Variants in SCN8A observed in about 807,000 individuals in gnomAD.
SCN8A encodes sodium voltage-gated channel alpha subunit 8.
A neutral mutation model predicts 184.1 loss-of-function variants in SCN8A; 30 were observed. The observed-to-expected ratio is 0.16, with a 90% CI of 0.12 to 0.22. The LOEUF (loss-of-function observed/expected upper bound fraction) is 0.22. SCN8A is among the 10% of genes least tolerant of loss of function. The pLI is 1.00. For missense variants in SCN8A, 1,057 were observed against 2,498.9 expected, an observed-to-expected ratio of 0.42 and a Z score of 12.30; for synonymous variants, 852 against 907.0, an observed-to-expected ratio of 0.94 and a Z score of 1.09.
intron 2 of SCN8A, among the ~76,000 whole-genome samples, chr12:51,665,167 G>A (rs181060549): frequency 4.6e-5 from 7 of 152,274 alleles, no homozygotes; most frequent in Admixed American, 1.3e-4. Context: ...CTTTTTCCCT[G>A]GTTCCTGCTC....
intron 14 of SCN8A, among the ~76,000 whole-genome samples, chr12:51,754,379 T>C (rs927329211): frequency 2.0e-5 from 3 of 151,676 alleles, no homozygotes; most frequent in Non-Finnish European, 2.9e-5. Flanking sequence ...CACCCCCAAA[T>C]GCTTATAGTG....
chr12:51,771,718 C>T (rs1376790040), intron 19 of SCN8A, among the ~76,000 whole-genome samples: 2 of 152,204 alleles, frequency 1.3e-5, no homozygotes, highest in African/African-American at 2.4e-5. Flanking sequence ...CAGACCACCC[C>T]GCCTGCCCCT....
intron 14 of SCN8A, among the ~76,000 whole-genome samples, chr12:51,758,284 C>T (rs1942707888): frequency 6.6e-6 from 1 of 152,160 alleles, no homozygotes; most frequent in African/African-American, 2.4e-5. Context: ...TAGCAACACC[C>T]TATCTGTAAA....
chr12:51,673,590 G>T (rs1039451704), intron 2 of SCN8A, among the ~76,000 whole-genome samples: 2 of 152,186 alleles, frequency 1.3e-5, no homozygotes, highest in East Asian at 3.8e-4. Context: ...TATAGTTAAA[G>T]GTTAGGTGAT....
intron 1 of SCN8A, among the ~76,000 whole-genome samples, chr12:51,609,103 G>A (rs1208208115): frequency 6.6e-6 from 1 of 152,152 alleles, no homozygotes; most frequent in Admixed American, 6.5e-5. Flanking sequence ...GAGAGTGCTT[G>A]ATACAATTTC....
chr12:51,774,173 G>A lies in SCN8A; in HGVS notation c.3646-16G>A. ...CCTTTAGGCACTGTCATAGGCAGCT[G>A]CTGCCTCTCTTTTAGGCCTTCGAGG... On this transcript the variant is annotated splice_polypyrimidine_tract_variant and intron_variant, in intron 19 of 26. Transcript: ENST00000627620. The A allele has an allele frequency of 6.2e-7, 1 of 1,612,266 alleles. No individual in the cohort carries two copies. Among genetic ancestry groups the A allele is most frequent in the Non-Finnish European group, 8.5e-7 (1 of 1,178,826 alleles).
At chr12:51,690,811 G>A (rs1054123297) in intron 6 of SCN8A, among the ~76,000 whole-genome samples, 1 of 152,138 alleles carries the variant, frequency 6.6e-6, no homozygotes, top group African/African-American at 2.4e-5. Flanking sequence ...TTACAAATTT[G>A]GGCCATGGAG....
chr12:51,728,547 A>G lies in SCN8A; in HGVS notation c.1998+6639A>G, dbSNP rs565402515. On this transcript the variant is annotated intron_variant, in intron 12 of 26. Coordinates refer to ENST00000627620, the MANE Select transcript of SCN8A (RefSeq NM_001330260.2). ...CCAGGAGTTTGAGACTAGCCTGGGC[A>G]ACATAGTGAGACCTCATCTCTTCAA... 1.1e-4 allele frequency among the ~76,000 whole-genome samples: 17 copies of G among 152,228 alleles called. 1 individual carries two copies. The South Asian group carries it at 3.5e-3, about 32-fold the overall frequency.
At chr12:51,768,759 C>T (rs1942875617) in intron 16 of SCN8A, 106 bp from the exon 17 acceptor site, 2 of 821,490 alleles carry the variant, frequency 2.4e-6, no homozygotes, top group South Asian at 4.0e-5. Flanking sequence ...ACAACAGAGC[C>T]TCTTTGAGTC....
intron 1 of SCN8A, among the ~76,000 whole-genome samples, chr12:51,633,597 T>C (rs1182687532): frequency 6.6e-6 from 1 of 152,198 alleles, no homozygotes; most frequent in Admixed American, 6.5e-5. Context: ...GTTCTCCTGC[T>C]GTGTAAGCAT....
At chr12:51,646,909 C>A (rs1457374669) in intron 1 of SCN8A, among the ~76,000 whole-genome samples, 1 of 152,172 alleles carries the variant, frequency 6.6e-6, no homozygotes, top group Non-Finnish European at 1.5e-5. Context: ...GATGTATGTA[C>A]AAGGTGGAAA....
chr12:51,689,585 C>G (rs1047165086), intron 6 of SCN8A: 1 of 155,174 alleles, frequency 6.4e-6, no homozygotes, highest in East Asian at 1.9e-4. Flanking sequence ...TTAACTAATC[C>G]AGTATCAGAG....
At chr12:51,620,968 CAG>C (rs1939948945) in intron 1 of SCN8A, among the ~76,000 whole-genome samples, 1 of 152,120 alleles carries the variant, frequency 6.6e-6, no homozygotes, top group South Asian at 2.1e-4. Context: ...GCCTGGGTGA[CAG>C]AGTGAGACCC....
At chr12:51,610,064 G>C (rs184892964) in intron 1 of SCN8A, among the ~76,000 whole-genome samples, 1 of 151,484 alleles carries the variant, frequency 6.6e-6, no homozygotes, top group East Asian at 1.9e-4. Context: ...CAGCTACTCC[G>C]GAGGCTGAGG....
chr12:51,711,739 GA>G, intron 11 of SCN8A, among the ~76,000 whole-genome samples: 1 of 145,998 alleles, frequency 6.8e-6, no homozygotes, highest in East Asian at 2.0e-4. Flanking sequence ...GAAATTTTGA[GA>G]TTTTTTTCAT....
rs553076026 is a variant in SCN8A at position 51,744,189 on chromosome 12, G to A, written c.1999-1714G>A. Among the ~76,000 whole-genome samples, 146 of 152,218 alleles carry A rather than the reference G, an allele frequency of 9.6e-4. 1 individual carries two copies. The highest frequency in any genetic ancestry group is 1.9e-3 in the Non-Finnish European group (130 of 68,002). On this transcript the variant is annotated intron_variant, in intron 12 of 26. Coordinates refer to ENST00000627620, the MANE Select transcript of SCN8A (RefSeq NM_001330260.2). ...GTGCTTGTGTATGCCTGTAATCCCA[G>A]CTATTCAGGAGGCTGAGGTGGGAAA...
At chr12:51,640,564 G>T (rs138708376) in intron 1 of SCN8A, among the ~76,000 whole-genome samples, 1 of 152,072 alleles carries the variant, frequency 6.6e-6, no homozygotes, top group Non-Finnish European at 1.5e-5. Context: ...GTATAGGAGT[G>T]GAAAAGTACA....
At chr12:51,640,234 T>G (rs1940421869) in intron 1 of SCN8A, among the ~76,000 whole-genome samples, 3 of 125,588 alleles carry the variant, frequency 2.4e-5, no homozygotes, top group Admixed American at 1.7e-4. Context: ...TTTTTTTTTT[T>G]TTTTTTTTTT....
chr12:51,764,521 G>A (rs1942807927), intron 15 of SCN8A, among the ~76,000 whole-genome samples: 1 of 152,104 alleles, frequency 6.6e-6, no homozygotes, highest in African/African-American at 2.4e-5. Flanking sequence ...TGTAATCCCA[G>A]CTACCTGGGA....
Sources: allele counts gnomAD v4.1 joint callset (sites outside exome capture counted in the v4.1 genomes callset), GRCh38; gene constraint gnomAD v4.1.1; transcripts MANE v1.5; gene names NCBI Gene and HGNC (gene_info 2026-07-23, HGNC 2026-07-21).